The following SNX14 variants were observed in gnomAD, a reference collection of about 807,000 sequenced individuals.
SNX14 encodes sorting nexin-14.
Under a neutral mutation model 133.8 loss-of-function variants are expected in SNX14, and 93 were observed. That is an observed-to-expected ratio of 0.70 (90% CI 0.59 to 0.83). The LOEUF (loss-of-function observed/expected upper bound fraction) is 0.83. Among genes scored for constraint, SNX14 ranks in the 40% least tolerant of loss-of-function variants. The probability of loss-of-function intolerance (pLI) is 0.00; values close to 1 mark genes in which losing one functional copy is unlikely to be tolerated. For missense variants in SNX14, 945 were observed against 1,094.9 expected, an observed-to-expected ratio of 0.86 and a Z score of 1.93; for synonymous variants, 368 against 365.6, an observed-to-expected ratio of 1.01 and a Z score of -0.07.
At chr6:85,529,901 C>A (rs549920531) in intron 19 of SNX14, among the ~76,000 whole-genome samples, 1 of 151,410 alleles carries the variant, frequency 6.6e-6, no homozygotes, top group South Asian at 2.1e-4. Context: ...ACAGGAAGAA[C>A]GAAAAAGAGT....
chr6:85,573,026 T>G (rs2128197349), intron 2 of SNX14, among the ~76,000 whole-genome samples: 1 of 152,350 alleles, frequency 6.6e-6, no homozygotes, highest in Admixed American at 6.5e-5. Context: ...TATTTTCTCT[T>G]TCTCCAAAAT....
intron 26 of SNX14, among the ~76,000 whole-genome samples, chr6:85,508,742 A>C (rs1771680103): frequency 6.6e-6 from 1 of 152,136 alleles, no homozygotes; most frequent in South Asian, 2.1e-4. Context: ...GGCTGCATAG[A>C]TGTCATGTAC....
intron 19 of SNX14, 30 bp downstream of exon 19, chr6:85,530,162 G>A (rs1779771799): frequency 7.3e-7 from 1 of 1,366,082 alleles, no homozygotes; most frequent in Non-Finnish European, 1.0e-6. Context: ...ATGCTGAAAT[G>A]TAATGTTTTA....
intron 17 of SNX14, among the ~76,000 whole-genome samples, chr6:85,534,045 C>T (rs1298304487): frequency 6.6e-6 from 1 of 152,142 alleles, no homozygotes; most frequent in African/African-American, 2.4e-5. Context: ...CCGGGGACAG[C>T]GCCTATAATC....
At chr6:85,534,393 G>A (rs1046313898) in intron 17 of SNX14, among the ~76,000 whole-genome samples, 10 of 152,302 alleles carry the variant, frequency 6.6e-5, no homozygotes, top group South Asian at 4.1e-4. Flanking sequence ...ACAAGACAAA[G>A]AGGATTCCCC....
At chr6:85,564,478 A>G (rs1411997202) in intron 6 of SNX14, among the ~76,000 whole-genome samples, 1 of 152,170 alleles carries the variant, frequency 6.6e-6, no homozygotes, top group Non-Finnish European at 1.5e-5. Context: ...CTGGTGTGAG[A>G]TGGTACCTCA....
chr6:85,513,058 C>T (rs898507802), intron 26 of SNX14, among the ~76,000 whole-genome samples: 1 of 152,210 alleles, frequency 6.6e-6, no homozygotes, highest in African/African-American at 2.4e-5. Context: ...TCCTATACCA[C>T]CTTTTCTCCA....
intron 6 of SNX14, among the ~76,000 whole-genome samples, chr6:85,564,602 G>A (rs1439837736): frequency 6.6e-6 from 1 of 152,110 alleles, no homozygotes; most frequent in Admixed American, 6.6e-5. Context: ...ATGAAAGAAA[G>A]CAAAACTGAT....
intron 2 of SNX14, among the ~76,000 whole-genome samples, chr6:85,572,893 A>C (rs1796135079): frequency 3.3e-5 from 5 of 152,166 alleles, no homozygotes; most frequent in Admixed American, 3.3e-4. Context: ...CAGGAGTTTG[A>C]GGCTGCAGTA....
intron 26 of SNX14, among the ~76,000 whole-genome samples, chr6:85,509,747 T>C (rs1772132291): frequency 2.0e-5 from 3 of 152,156 alleles, no homozygotes; most frequent in Non-Finnish European, 4.4e-5. Context: ...TCTGGACAAA[T>C]AGATGATGAT....
At chr6:85,513,741 T>C in intron 26 of SNX14, 59 bp downstream of exon 26, 3 of 1,267,620 alleles carry the variant, frequency 2.4e-6, no homozygotes, top group Middle Eastern at 1.9e-4. Context: ...TTACTATACA[T>C]TGTGACCTCA....
At chr6:85,531,428 T>G (rs1233523560) in intron 18 of SNX14, among the ~76,000 whole-genome samples, 1 of 152,206 alleles carries the variant, frequency 6.6e-6, no homozygotes, top group African/African-American at 2.4e-5. Context: ...ACCATAGATT[T>G]GAGAATGCAG....
At chr6:85,567,650 A>T (rs1794297542) in intron 4 of SNX14, 73 bp from the exon 5 acceptor site, 1 of 947,614 alleles carries the variant, frequency 1.1e-6, no homozygotes, top group Non-Finnish European at 1.5e-6. Flanking sequence ...ACCATTTGGG[A>T]ATATGTAACA....
intron 6 of SNX14, among the ~76,000 whole-genome samples, chr6:85,562,042 C>T (rs947260841): frequency 2.6e-5 from 4 of 152,116 alleles, no homozygotes; most frequent in Admixed American, 6.6e-5. Context: ...TTGCTTCCTT[C>T]TTTATGTCCA....
At chr6:85,552,032 CTT>C (rs71551482) in intron 7 of SNX14, among the ~76,000 whole-genome samples, 17 of 114,142 alleles carry the variant, frequency 1.5e-4, no homozygotes, top group South Asian at 3.0e-4. Flanking sequence ...TGTTGGGAAT[CTT>C]TTTTTTTTTT....
chr6:85,538,472 G>A (rs1005789092), intron 16 of SNX14, among the ~76,000 whole-genome samples: 1 of 151,916 alleles, frequency 6.6e-6, no homozygotes, highest in African/African-American at 2.4e-5. Flanking sequence ...CAGAAATACA[G>A]AAACATCATA....
intron 7 of SNX14, among the ~76,000 whole-genome samples, chr6:85,555,293 A>G (rs1789308206): frequency 6.6e-6 from 1 of 152,254 alleles, no homozygotes; most frequent in Admixed American, 6.5e-5. Flanking sequence ...ACAAATGCTT[A>G]TAACAGCATT....
intron 26 of SNX14, among the ~76,000 whole-genome samples, chr6:85,510,332 T>C (rs762787984): frequency 3.3e-5 from 5 of 152,168 alleles, no homozygotes; most frequent in Non-Finnish European, 7.3e-5. Context: ...TTCTAACAGG[T>C]GTGTGGTGGT....
chr6:85,584,796 T>C (rs1433867329), intron 1 of SNX14, among the ~76,000 whole-genome samples: 1 of 152,212 alleles, frequency 6.6e-6, no homozygotes, highest in African/African-American at 2.4e-5. Flanking sequence ...TTTACACTGT[T>C]GGTGGGAGTG....
Sources: allele counts gnomAD v4.1 joint callset (sites outside exome capture counted in the v4.1 genomes callset), GRCh38; gene constraint gnomAD v4.1.1; transcripts MANE v1.5; gene names NCBI Gene and HGNC (gene_info 2026-07-23, HGNC 2026-07-21).